Variants in DGKB observed in about 807,000 individuals in gnomAD.
DGKB encodes the protein 90 kDa diacylglycerol kinase.
Under a neutral mutation model 114.3 loss-of-function variants are expected in DGKB, and 67 were observed. That is an observed-to-expected ratio of 0.59 (90% CI 0.48 to 0.72). The LOEUF (loss-of-function observed/expected upper bound fraction) is 0.72. DGKB is among the 30% of genes least tolerant of loss of function. DGKB has a pLI of 0.00. For missense variants in DGKB, 907 were observed against 975.2 expected (o/e 0.93, Z 0.93); for synonymous variants, 398 against 323.1 (o/e 1.23, Z -2.49).
intron 25 of DGKB, among the ~76,000 whole-genome samples, chr7:14,163,848 A>C (rs1019353175): frequency 3.3e-5 from 5 of 152,226 alleles, no homozygotes; most frequent in African/African-American, 9.6e-5. Context: ...TACAAAGATT[A>C]GCTGGGTGCG....
At chr7:14,822,463 G>A (rs576672327) in intron 2 of DGKB, among the ~76,000 whole-genome samples, 25 of 152,224 alleles carry the variant, frequency 1.6e-4, no homozygotes, top group African/African-American at 6.0e-4. Context: ...GGATTTGGGG[G>A]AGAAATGATT....
At chr7:14,809,492 TGGA>T in intron 2 of DGKB, among the ~76,000 whole-genome samples, 1 of 152,222 alleles carries the variant, frequency 6.6e-6, no homozygotes, top group East Asian at 1.9e-4. Flanking sequence ...CCCAAGAACA[TGGA>T]GGTCATATTT....
At chr7:14,567,156 A>G (rs1447092890) in intron 20 of DGKB, among the ~76,000 whole-genome samples, 3 of 95,354 alleles carry the variant, frequency 3.1e-5, no homozygotes, top group South Asian at 2.7e-4. Flanking sequence ...TATAATATAC[A>G]ATTATATTTA....
At chr7:14,725,595 C>A (rs1272276971) in intron 5 of DGKB, among the ~76,000 whole-genome samples, 1 of 151,522 alleles carries the variant, frequency 6.6e-6, no homozygotes, top group Non-Finnish European at 1.5e-5. Context: ...CTCTCTGATG[C>A]CCAGGCTGGA....
chr7:14,942,459 T>A (rs1482885921), intron 1 of DGKB, among the ~76,000 whole-genome samples: 1 of 152,012 alleles, frequency 6.6e-6, no homozygotes, highest in East Asian at 1.9e-4. Context: ...AACCTTACTT[T>A]AAAGTTCTTT....
intron 23 of DGKB, among the ~76,000 whole-genome samples, chr7:14,242,749 C>A (rs1009558700): frequency 6.6e-6 from 1 of 152,050 alleles, no homozygotes; most frequent in Admixed American, 6.6e-5. Flanking sequence ...TTCACCTATA[C>A]CCTTCATAAC....
At chr7:14,606,591 C>CTT (rs201031316) in intron 17 of DGKB, among the ~76,000 whole-genome samples, 3 of 146,050 alleles carry the variant, frequency 2.1e-5, no homozygotes, top group South Asian at 2.1e-4. Flanking sequence ...AATCAACTGC[C>CTT]TTTTTTTTAA....
intron 17 of DGKB, among the ~76,000 whole-genome samples, chr7:14,595,468 T>C (rs1802415123): frequency 6.6e-6 from 1 of 151,978 alleles, no homozygotes; most frequent in South Asian, 2.1e-4. Context: ...ATGATCTCTC[T>C]TTGATAAATA....
chr7:14,776,065 G>GGAA (rs1838125073), intron 2 of DGKB, among the ~76,000 whole-genome samples: 1 of 152,072 alleles, frequency 6.6e-6, no homozygotes, highest in South Asian at 2.1e-4. Flanking sequence ...ACGGAGATGA[G>GGAA]GAACTGTTGG....
rs538368641 is a variant in DGKB at position 14,258,335 on chromosome 7, T to A, written c.2122+80180A>T. On this transcript the variant is annotated intron_variant, in intron 23 of 25. Transcript: ENST00000402815. ...TATTTTGGATGAGAAGAATATAGAT[T>A]AGTTTTGTTTGTACATTATAACTTT... Among the ~76,000 whole-genome samples, 13 of 152,316 alleles carry A rather than the reference T, an allele frequency of 8.5e-5. No individual in the cohort carries two copies. The South Asian group carries it at 2.7e-3, about 32-fold the overall frequency.
chr7:14,710,677 A>G (rs777767007), intron 6 of DGKB, among the ~76,000 whole-genome samples: 8 of 152,072 alleles, frequency 5.3e-5, no homozygotes, highest in East Asian at 1.9e-4. Flanking sequence ...TACTACTTTT[A>G]TTTCGCTAAG....
intron 15 of DGKB, among the ~76,000 whole-genome samples, chr7:14,620,601 G>A (rs965355470): frequency 2.0e-5 from 3 of 151,586 alleles, no homozygotes; most frequent in Non-Finnish European, 4.4e-5. Context: ...TAGGCAGTTG[G>A]AACACAAAAA....
chr7:14,276,113 A>C (rs1798949406), intron 23 of DGKB, among the ~76,000 whole-genome samples: 1 of 152,206 alleles, frequency 6.6e-6, no homozygotes, highest in Non-Finnish European at 1.5e-5. Context: ...CAAATCACTG[A>C]AGCTTTATTC....
At chr7:14,314,797 C>A (rs1163559942) in intron 23 of DGKB, among the ~76,000 whole-genome samples, 3 of 151,372 alleles carry the variant, frequency 2.0e-5, no homozygotes, top group Non-Finnish European at 4.4e-5. Flanking sequence ...CAAAGATACT[C>A]CTCGAGAAGA....
At chr7:14,489,058 A>T (rs539700751) in intron 20 of DGKB, among the ~76,000 whole-genome samples, 9 of 152,226 alleles carry the variant, frequency 5.9e-5, no homozygotes, top group African/African-American at 2.2e-4. Context: ...CCTAAGTGTC[A>T]CCTGACAAGA....
intron 23 of DGKB, among the ~76,000 whole-genome samples, chr7:14,263,791 A>C (rs533638527): frequency 1.3e-5 from 2 of 151,814 alleles, no homozygotes; most frequent in Non-Finnish European, 2.9e-5. Flanking sequence ...TAGGCAAATC[A>C]TTTTTTATTG....
At chr7:14,370,989 CATG>C (rs1817536815) in intron 21 of DGKB, among the ~76,000 whole-genome samples, 1 of 152,112 alleles carries the variant, frequency 6.6e-6, no homozygotes, top group African/African-American at 2.4e-5. Context: ...CTGCAAATGA[CATG>C]ATTTCATTCT....
intron 12 of DGKB, among the ~76,000 whole-genome samples, chr7:14,675,997 TGAG>T (rs1258305913): frequency 6.6e-6 from 1 of 152,076 alleles, no homozygotes; most frequent in African/African-American, 2.4e-5. Context: ...GAGATATACT[TGAG>T]GAAAAAATAT....
chr7:14,221,969 T>A (rs1255794019), intron 23 of DGKB, among the ~76,000 whole-genome samples: 1 of 151,288 alleles, frequency 6.6e-6, no homozygotes, highest in South Asian at 2.1e-4. Context: ...ATTGTTATAG[T>A]CTTTTCTTTT....
Sources: gnomAD v4.1 joint callset for allele counts (sites outside exome capture counted in the v4.1 genomes callset) on GRCh38, gnomAD v4.1.1 for gene constraint, MANE v1.5 for transcripts, NCBI Gene and HGNC (gene_info 2026-07-23, HGNC 2026-07-21) for gene names.